Variants in MSH4 observed in about 807,000 individuals in gnomAD.
The protein encoded by MSH4 is mutS protein homolog 4.
In MSH4, 106 loss-of-function variants were observed where a neutral mutation model predicts 113.7. The observed-to-expected ratio is 0.93, with a 90% CI of 0.80 to 1.10. MSH4 has a LOEUF of 1.10. MSH4 is among the 50% of genes least tolerant of loss of function. The pLI is 0.00. For synonymous variants in MSH4, 368 were observed against 380.2 expected, an observed-to-expected ratio of 0.97 and a Z score of 0.37; for missense variants, 1,061 against 1,093.7, an observed-to-expected ratio of 0.97 and a Z score of 0.42.
intron 7 of MSH4, among the ~76,000 whole-genome samples, chr1:75,836,608 T>C (rs184687700): frequency 2.0e-5 from 3 of 152,312 alleles, no homozygotes; most frequent in East Asian, 3.9e-4. Context: ...AACAGGCATA[T>C]TGTTAAATGT....
chr1:75,907,902 G>T (rs1258578545), intron 19 of MSH4, among the ~76,000 whole-genome samples: 5 of 149,758 alleles, frequency 3.3e-5, no homozygotes, highest in Non-Finnish European at 7.4e-5. Context: ...GTGAGACGGG[G>T]TTTCACCATG....
rs545327998 is a variant in MSH4, at chr1:75,893,634, T to C, written c.2355+2810T>C. 2.3e-4 allele frequency among the ~76,000 whole-genome samples: 35 copies of C among 152,300 alleles called. No individual in the cohort carries two copies. The South Asian group carries it at 6.6e-3, about 29-fold the overall frequency. ...CCACATTTCTTTGCCTCTAGACCTA[T>C]AACTAGATCTCTAAAGGTGAGGTAC... On this transcript the variant is annotated intron_variant, in intron 17 of 19. Transcript: ENST00000263187.
chr1:75,809,657 A>G (rs1144334), intron 3 of MSH4, among the ~76,000 whole-genome samples: 132 of 123,242 alleles, frequency 1.1e-3, no homozygotes, highest in African/African-American at 3.9e-3. Context: ...TTTTGAGACA[A>G]TGTCTCACTT....
chr1:75,836,252 C>T (rs567053869), intron 7 of MSH4, among the ~76,000 whole-genome samples: 1 of 151,642 alleles, frequency 6.6e-6, no homozygotes, highest in African/African-American at 2.4e-5. Flanking sequence ...TCTCACTGCT[C>T]TACTGGTTTC....
At chr1:75,873,779 C>T (rs1320010089) in intron 9 of MSH4, among the ~76,000 whole-genome samples, 3 of 151,306 alleles carry the variant, frequency 2.0e-5, no homozygotes, top group Admixed American at 6.6e-5. Context: ...CATAGTATTC[C>T]ATGATGTATA....
chr1:75,833,445 C>T (rs541640276), intron 7 of MSH4, among the ~76,000 whole-genome samples: 2 of 152,192 alleles, frequency 1.3e-5, no homozygotes, highest in South Asian at 4.2e-4. Flanking sequence ...CTTTAAAGTT[C>T]ACATGGAACC....
chr1:75,861,340 G>A (rs899831150), intron 8 of MSH4, among the ~76,000 whole-genome samples: 5 of 152,162 alleles, frequency 3.3e-5, no homozygotes, highest in Non-Finnish European at 5.9e-5. Flanking sequence ...GAGGAGAAAA[G>A]GTGTTCTGGT....
At chr1:75,831,214 G>A (rs1432355599) in intron 7 of MSH4, among the ~76,000 whole-genome samples, 1 of 152,116 alleles carries the variant, frequency 6.6e-6, no homozygotes, top group East Asian at 1.9e-4. Flanking sequence ...AATGGTAAAG[G>A]GGTCAATTCA....
chr1:75,874,991 C>G (rs6687823), intron 9 of MSH4, among the ~76,000 whole-genome samples: 2,886 of 152,206 alleles, frequency 0.019, 95 homozygotes, highest in African/African-American at 0.067. Context: ...CTCCCAGGCT[C>G]AAGCCATCCT....
At chr1:75,856,072 T>C (rs1003445729) in intron 8 of MSH4, among the ~76,000 whole-genome samples, 2 of 152,208 alleles carry the variant, frequency 1.3e-5, no homozygotes, top group Non-Finnish European at 2.9e-5. Context: ...AATATCACTT[T>C]GACCAACTAG....
chr1:75,906,003 T>A (rs1652620056), intron 19 of MSH4, among the ~76,000 whole-genome samples: 1 of 152,074 alleles, frequency 6.6e-6, no homozygotes, highest in African/African-American at 2.4e-5. Flanking sequence ...TTCTTTTATT[T>A]TTTTTGAGGC....
At chr1:75,876,402 A>T (rs143884383) in intron 9 of MSH4, among the ~76,000 whole-genome samples, 109 of 152,132 alleles carry the variant, frequency 7.2e-4, no homozygotes, top group Non-Finnish European at 1.3e-3. Context: ...CTTCATATCA[A>T]ATTTAAAAAA....
intron 17 of MSH4, among the ~76,000 whole-genome samples, chr1:75,893,673 A>C (rs534167629): frequency 1.3e-5 from 2 of 152,316 alleles, no homozygotes; most frequent in East Asian, 3.9e-4. Flanking sequence ...ATGTGACTAT[A>C]AGGAGATACA....
intron 19 of MSH4, among the ~76,000 whole-genome samples, chr1:75,906,461 A>G (rs182351420): frequency 0.08 from 487 of 6,122 alleles, 10 homozygotes; most frequent in East Asian, 0.38. Flanking sequence ...ATACAATATT[A>G]TATATATTAT....
At chr1:75,843,292 C>G (rs1485874912) in intron 7 of MSH4, among the ~76,000 whole-genome samples, 1 of 152,174 alleles carries the variant, frequency 6.6e-6, no homozygotes, top group African/African-American at 2.4e-5. Flanking sequence ...GGCCCAGCTG[C>G]CTTTTCTTTT....
intron 8 of MSH4, among the ~76,000 whole-genome samples, chr1:75,862,017 A>G (rs1315176559): frequency 1.3e-5 from 2 of 151,722 alleles, no homozygotes; most frequent in Admixed American, 6.6e-5. Flanking sequence ...CCCCCTGCCA[A>G]GCTCCCACAT....
At chr1:75,907,704 A>C (rs1353206912) in intron 19 of MSH4, among the ~76,000 whole-genome samples, 6 of 131,976 alleles carry the variant, frequency 4.5e-5, no homozygotes, top group Admixed American at 3.1e-4. Flanking sequence ...ATATATATAT[A>C]TATATATATA....
chr1:75,837,960 T>C (rs888420402), intron 7 of MSH4, among the ~76,000 whole-genome samples: 2 of 152,216 alleles, frequency 1.3e-5, no homozygotes, highest in African/African-American at 4.8e-5. Flanking sequence ...AACCTTGCTG[T>C]TTCTAGCCTT....
At chr1:75,908,861 A>G (rs1371608121) in intron 19 of MSH4, among the ~76,000 whole-genome samples, 2 of 152,114 alleles carry the variant, frequency 1.3e-5, no homozygotes, top group Non-Finnish European at 2.9e-5. Context: ...GCAGTACTAC[A>G]CATCTCAGAT....
Sources: allele counts gnomAD v4.1 joint callset (sites outside exome capture counted in the v4.1 genomes callset), GRCh38; gene constraint gnomAD v4.1.1; transcripts MANE v1.5; gene names NCBI Gene and HGNC (gene_info 2026-07-23, HGNC 2026-07-21).